The following NDUFC1 variants were observed in gnomAD, a reference collection of about 807,000 sequenced individuals.
The protein encoded by NDUFC1 is NADH dehydrogenase [ubiquinone] 1 subunit C1, mitochondrial.
NDUFC1 carries 11 observed loss-of-function variants against 11.6 expected under a neutral mutation model. The observed-to-expected ratio is 0.95, with a 90% CI of 0.60 to 1.58. The LOEUF (loss-of-function observed/expected upper bound fraction) is 1.58, where lower values mean the gene tolerates loss of function less well. NDUFC1 is among the 40% of genes most tolerant of loss of function. The pLI is 0.00. For missense variants in NDUFC1, 112 were observed against 93.0 expected (o/e 1.20, Z -0.84); for synonymous variants, 52 against 42.2 (o/e 1.23, Z -0.90).
intron 1 of NDUFC1, chr4:139,302,058 G>C (rs1366587347): frequency 4.6e-6 from 2 of 430,684 alleles, no homozygotes; most frequent in East Asian, 7.2e-5. Context: ...TTGAGGCCCT[G>C]GTTCCGGACT....
intron 5 of NDUFC1, among the ~76,000 whole-genome samples, chr4:139,291,929 C>T (rs911617439): frequency 2.0e-5 from 3 of 151,800 alleles, no homozygotes; most frequent in East Asian, 2.0e-4. Flanking sequence ...CTCTGCCTCC[C>T]GGGTTCACGC....
intron 1 of NDUFC1, among the ~76,000 whole-genome samples, chr4:139,297,658 C>T (rs1329470147): frequency 1.3e-5 from 2 of 151,880 alleles, no homozygotes; most frequent in Non-Finnish European, 2.9e-5. Context: ...ATCACATCTC[C>T]CAAGGAAGGT....
chr4:139,293,323 G>A (rs969318174), intron 4 of NDUFC1, among the ~76,000 whole-genome samples: 4 of 152,048 alleles, frequency 2.6e-5, no homozygotes, highest in Admixed American at 1.3e-4. Flanking sequence ...ACCCCATCAC[G>A]AAACTGTATG....
At position 139,295,804 on chromosome 4, in the gene NDUFC1, G is replaced by A; in HGVS notation, c.-6C>T. ...AGCAAGGCGGACGGCGCCATCTTGC[G>A]TGGCCCAGCTCAGTCTCTCCGAGTT... On this transcript the variant is annotated 5_prime_UTR_variant, in exon 3 of 6. In the 5' UTR this introduces an upstream ATG that the reference lacks. Coordinates refer to ENST00000394223, the MANE Select transcript of NDUFC1 (RefSeq NM_001184989.2). 1 of 1,545,094 alleles carries A rather than the reference G, an allele frequency of 6.5e-7. No homozygotes were observed. Among genetic ancestry groups the A allele is most frequent in the Non-Finnish European group, 8.7e-7 (1 of 1,145,626 alleles).
At chr4:139,292,005 T>G (rs1335636367) in intron 5 of NDUFC1, among the ~76,000 whole-genome samples, 3 of 151,972 alleles carry the variant, frequency 2.0e-5, no homozygotes, top group Admixed American at 6.6e-5. Flanking sequence ...CCTGGCTAAT[T>G]TTTTTGTATT....
chr4:139,291,801 A>G (rs550321188), intron 5 of NDUFC1, among the ~76,000 whole-genome samples: 1 of 152,146 alleles, frequency 6.6e-6, no homozygotes, highest in Non-Finnish European at 1.5e-5. Flanking sequence ...AGTGTAAAGC[A>G]CTATCAGATT....
At chr4:139,293,322 C>T (rs1022210169) in intron 4 of NDUFC1, among the ~76,000 whole-genome samples, 3 of 152,032 alleles carry the variant, frequency 2.0e-5, no homozygotes, top group Non-Finnish European at 4.4e-5. Flanking sequence ...AACCCCATCA[C>T]GAAACTGTAT....
At position 139,295,967 on chromosome 4, in the gene NDUFC1, A is replaced by G. The variant is rs1318306297; in HGVS notation, c.-162-7T>C. ...CCCGGCCTCAGCCTTCTGTCTATAC[A>G]GTGGAATTAGGAAGAAAATAATTAA... On this transcript the variant is annotated splice_polypyrimidine_tract_variant and splice_region_variant and intron_variant, in intron 2 of 5. Transcript: ENST00000394223. 1.7e-6 allele frequency: 1 copy of G among 591,974 alleles called. No homozygotes were observed. The highest frequency in any genetic ancestry group is 2.0e-5 in the African/African-American group (1 of 50,170). The allele number at this position is 591,974 out of a possible 1,614,324, so 36.7% of individuals were successfully genotyped here.
At chr4:139,296,412 G>A (rs1745478161) in intron 2 of NDUFC1, 1 of 152,374 alleles carries the variant, frequency 6.6e-6, no homozygotes, top group African/African-American at 2.4e-5. Context: ...AGATCACACA[G>A]ATGGCAGAGG....
chr4:139,301,721 G>C, intron 1 of NDUFC1: 3 of 1,525,052 alleles, frequency 2.0e-6, no homozygotes, highest in Middle Eastern at 1.7e-4. Flanking sequence ...GGCGGCGGTC[G>C]GACAAACTGA....
chr4:139,301,217 G>A lies in NDUFC1; in HGVS notation c.-222+1199C>T, dbSNP rs3806766. On this transcript the variant is annotated intron_variant, in intron 1 of 5. Transcript: ENST00000394223. Reference sequence around the variant, plus strand: ...CACAGTGTGCGAGACTCTTTCCAAGGAATGAAAGGTCGATCTAGCAGGAAG... The same window carrying A: ...CACAGTGTGCGAGACTCTTTCCAAGAAATGAAAGGTCGATCTAGCAGGAAG... 0.15 allele frequency: 38,469 copies of A among 262,840 alleles called. 3,404 individuals carry two copies. Among genetic ancestry groups the A allele is most frequent in the Middle Eastern group, 0.19 (170 of 894 alleles). The allele number at this position is 262,840 out of a possible 1,614,324, so 16.3% of individuals were successfully genotyped here. A position where few individuals can be genotyped will look rare whatever the true frequency, so the allele number is the denominator to read the frequency against.
chr4:139,302,491 G>A (rs1363069658), upstream of NDUFC1: 1 of 152,224 alleles, frequency 6.6e-6, no homozygotes, highest in African/African-American at 2.4e-5. Flanking sequence ...GTAGGGATGA[G>A]GCATTTATTT....
chr4:139,301,697 T>C (rs963293118), intron 1 of NDUFC1: 2 of 1,490,202 alleles, frequency 1.3e-6, no homozygotes, highest in African/African-American at 2.8e-5. Context: ...CTGAAGCAGC[T>C]ACGGAACGGC....
rs570703604 is a variant in NDUFC1 at position 139,297,456 on chromosome 4, C to G, written c.-221-13G>C. ...TGTGAAACTGCATCTAGAAAAGAATCCTGATTAAGTAATTCCAGCTAGGAA... is the reference window on the plus strand; with the variant it reads ...TGTGAAACTGCATCTAGAAAAGAATGCTGATTAAGTAATTCCAGCTAGGAA... On this transcript the variant is annotated splice_polypyrimidine_tract_variant and intron_variant, in intron 1 of 5. Transcript: ENST00000394223. The G allele has an allele frequency of 3.2e-4, 48 of 152,236 alleles. No homozygotes were observed. Among genetic ancestry groups the G allele is most frequent in the African/African-American group, 1.1e-3 (46 of 41,530 alleles). 9.4% of individuals were successfully genotyped at this position (152,236 alleles called of 1,614,324 possible).
intron 4 of NDUFC1, 103 bp downstream of exon 4, chr4:139,294,940 C>T (rs1165524207): frequency 1.3e-6 from 1 of 779,272 alleles, no homozygotes. Context: ...ATGAGAGTTT[C>T]ACTGCCATAC....
chr4:139,301,315 CG>C, intron 1 of NDUFC1: 1 of 393,798 alleles, frequency 2.5e-6, no homozygotes, highest in South Asian at 1.0e-4. Context: ...GCTCCGCGGG[CG>C]CTTCGAGGGT....
chr4:139,295,952 G>A lies in NDUFC1; in HGVS notation c.-154C>T, dbSNP rs1745454720. The A allele has an allele frequency of 2.9e-6, 2 of 692,534 alleles. No homozygotes were observed. Among genetic ancestry groups the A allele is most frequent in the Admixed American group, 3.2e-5 (1 of 31,088 alleles). 42.9% of individuals were successfully genotyped at this position (692,534 alleles called of 1,614,324 possible). On this transcript the variant is annotated 5_prime_UTR_variant, in exon 3 of 6. Transcript: ENST00000394223. Reference sequence around the variant, plus strand: ...AAGGTTCTCTAGCACCCCGGCCTCAGCCTTCTGTCTATACAGTGGAATTAG... The same window carrying A: ...AAGGTTCTCTAGCACCCCGGCCTCAACCTTCTGTCTATACAGTGGAATTAG...
intron 1 of NDUFC1, chr4:139,301,724 C>T: frequency 6.5e-7 from 1 of 1,531,392 alleles, no homozygotes; most frequent in South Asian, 1.2e-5. Context: ...GGCGGTCGGA[C>T]AAACTGACTG....
At chr4:139,294,013 C>A (rs1044394532) in intron 4 of NDUFC1, among the ~76,000 whole-genome samples, 6 of 139,952 alleles carry the variant, frequency 4.3e-5, no homozygotes, top group African/African-American at 1.6e-4. Context: ...ACGATCTCGG[C>A]TCACTGCAAG....
Sources: gnomAD v4.1 joint callset for allele counts (sites outside exome capture counted in the v4.1 genomes callset) on GRCh38, gnomAD v4.1.1 for gene constraint, MANE v1.5 for transcripts, NCBI Gene and HGNC (gene_info 2026-07-23, HGNC 2026-07-21) for gene names.